The following FRMD4B variants were observed in gnomAD, a reference collection of about 807,000 sequenced individuals.
FRMD4B encodes FERM domain-containing protein 4B.
FRMD4B carries 74 observed loss-of-function variants against 141.5 expected under a neutral mutation model. The observed-to-expected ratio is 0.52, with a 90% CI of 0.43 to 0.63. The LOEUF (loss-of-function observed/expected upper bound fraction) is 0.63, where lower values mean the gene tolerates loss of function less well. Among genes scored for constraint, FRMD4B ranks in the 30% least tolerant of loss-of-function variants. The probability of loss-of-function intolerance (pLI) is 0.00; values close to 1 mark genes in which losing one functional copy is unlikely to be tolerated. For synonymous variants in FRMD4B, 506 were observed against 467.9 expected (o/e 1.08, Z -1.05); for missense variants, 1,366 against 1,253.4 (o/e 1.09, Z -1.36).
At chr3:69,539,756 C>T (rs554023345) in intron 1 of FRMD4B, among the ~76,000 whole-genome samples, 1 of 152,250 alleles carries the variant, frequency 6.6e-6, no homozygotes, top group South Asian at 2.1e-4. Flanking sequence ...AAACTTCTAC[C>T]ATTCAGTAAG....
chr3:69,412,678 A>G (rs1364747997), intron 2 of FRMD4B, among the ~76,000 whole-genome samples: 1 of 152,162 alleles, frequency 6.6e-6, no homozygotes, highest in Non-Finnish European at 1.5e-5. Flanking sequence ...TAATTTACTT[A>G]GGTTATCTAA....
chr3:69,265,378 C>T (rs912321712), intron 5 of FRMD4B, among the ~76,000 whole-genome samples: 3 of 144,598 alleles, frequency 2.1e-5, no homozygotes, highest in African/African-American at 7.7e-5. Context: ...AGGTAGCAGC[C>T]CAGGTATGGT....
At chr3:69,245,333 GT>G (rs2093415828) in intron 7 of FRMD4B, among the ~76,000 whole-genome samples, 1 of 149,306 alleles carries the variant, frequency 6.7e-6, no homozygotes, top group Non-Finnish European at 1.5e-5. Flanking sequence ...GTGTGTGTGT[GT>G]GTGTGTGTGT....
intron 5 of FRMD4B, among the ~76,000 whole-genome samples, chr3:69,260,501 C>T (rs886230074): frequency 2.0e-5 from 3 of 152,248 alleles, no homozygotes; most frequent in African/African-American, 7.2e-5. Context: ...CAGCCTCAGC[C>T]ACCTCCCCAT....
At chr3:69,235,890 C>T (rs1400106488) in intron 7 of FRMD4B, among the ~76,000 whole-genome samples, 1 of 152,116 alleles carries the variant, frequency 6.6e-6, no homozygotes, top group Non-Finnish European at 1.5e-5. Flanking sequence ...AACAACTTTG[C>T]CTTACTCCTC....
intron 20 of FRMD4B, among the ~76,000 whole-genome samples, chr3:69,182,012 A>G (rs1378019333): frequency 2.7e-5 from 4 of 150,806 alleles, no homozygotes; most frequent in Admixed American, 6.6e-5. Flanking sequence ...CACAGCCTGG[A>G]AAAAAAAACA....
chr3:69,485,497 C>A (rs916000746), intron 1 of FRMD4B, among the ~76,000 whole-genome samples: 1 of 152,222 alleles, frequency 6.6e-6, no homozygotes, highest in Non-Finnish European at 1.5e-5. Flanking sequence ...CTACTCTCAG[C>A]TCCCAGAAGC....
chr3:69,260,594 G>A (rs563184847), intron 5 of FRMD4B, among the ~76,000 whole-genome samples: 3 of 152,274 alleles, frequency 2.0e-5, no homozygotes, highest in South Asian at 2.1e-4. Flanking sequence ...TCCCCAATGG[G>A]CGCCGCCTGG....
rs765590348 is a variant in FRMD4B, at chr3:69,358,749, TAAAC to T, written c.162+27075_162+27078del. Among the ~76,000 whole-genome samples, 28 of 152,000 alleles carry T rather than the reference TAAAC, an allele frequency of 1.8e-4. No individual in the cohort carries two copies. In the South Asian group the frequency reaches 5.2e-3, roughly 28 times the overall value. On this transcript the variant is annotated intron_variant, in intron 1 of 22. Coordinates refer to ENST00000398540, the MANE Select transcript of FRMD4B (RefSeq NM_015123.3). ...AGACCCTGCCTCAAAAACAAACAAA[TAAAC>T]AAACAAAAAAAGAAGTGGGACCTTC...
intron 1 of FRMD4B, among the ~76,000 whole-genome samples, chr3:69,364,452 C>T (rs1323629082): frequency 3.3e-5 from 5 of 152,160 alleles, no homozygotes; most frequent in African/African-American, 1.2e-4. Context: ...GAGTGAGCAG[C>T]TAAAAAATAT....
intron 22 of FRMD4B, among the ~76,000 whole-genome samples, chr3:69,172,604 T>C (rs753376184): frequency 2.6e-5 from 4 of 152,152 alleles, no homozygotes; most frequent in Non-Finnish European, 5.9e-5. Flanking sequence ...AGGGACAAAA[T>C]AATATATTTA....
At chr3:69,331,208 T>G (rs773384952) in intron 1 of FRMD4B, among the ~76,000 whole-genome samples, 4 of 152,222 alleles carry the variant, frequency 2.6e-5, no homozygotes, top group Middle Eastern at 3.2e-3. Flanking sequence ...GTGCTTCTGG[T>G]AAGAGTGGCC....
At chr3:69,424,426 T>G (rs1436178715) in intron 2 of FRMD4B, among the ~76,000 whole-genome samples, 2 of 152,160 alleles carry the variant, frequency 1.3e-5, no homozygotes, top group Admixed American at 6.5e-5. Flanking sequence ...CCCAAAGAGA[T>G]AGGATTACAG....
chr3:69,421,700 A>T (rs944441453), intron 2 of FRMD4B, among the ~76,000 whole-genome samples: 1 of 152,218 alleles, frequency 6.6e-6, no homozygotes, highest in Non-Finnish European at 1.5e-5. Context: ...CTCAGTCACA[A>T]CAGCCACCTT....
intron 3 of FRMD4B, chr3:69,310,645 G>C (rs1701555748): frequency 6.9e-6 from 2 of 289,796 alleles, no homozygotes; most frequent in South Asian, 3.2e-5. Context: ...CATTTGCTTA[G>C]AGTGTTAAAT....
intron 1 of FRMD4B, among the ~76,000 whole-genome samples, chr3:69,465,296 G>A (rs983876760): frequency 1.1e-4 from 17 of 150,138 alleles, no homozygotes; most frequent in African/African-American, 4.2e-4. Flanking sequence ...CTCCAGCCTG[G>A]GTAACAGAGC....
chr3:69,448,354 A>T (rs776103280), intron 1 of FRMD4B, among the ~76,000 whole-genome samples: 60 of 152,216 alleles, frequency 3.9e-4, no homozygotes, highest in South Asian at 8.3e-4. Context: ...TTATGGGCAT[A>T]TATTTTCATT....
intron 1 of FRMD4B, among the ~76,000 whole-genome samples, chr3:69,368,679 T>C (rs1703737314): frequency 6.6e-6 from 1 of 152,170 alleles, no homozygotes; most frequent in South Asian, 2.1e-4. Context: ...AAGCCAATAA[T>C]GTGGGAGCTT....
chr3:69,359,913 T>C (rs1575763317), intron 1 of FRMD4B, among the ~76,000 whole-genome samples: 1 of 152,220 alleles, frequency 6.6e-6, no homozygotes, highest in East Asian at 1.9e-4. Context: ...CACGGAGATG[T>C]CTGGTAGCAT....
Sources: gnomAD v4.1 joint callset for allele counts (sites outside exome capture counted in the v4.1 genomes callset) on GRCh38, gnomAD v4.1.1 for gene constraint, MANE v1.5 for transcripts, NCBI Gene and HGNC (gene_info 2026-07-23, HGNC 2026-07-21) for gene names.